Variants in ANKHD1 observed in about 807,000 individuals in gnomAD.
ANKHD1 encodes ankyrin repeat and KH domain containing 1, also known as ankyrin repeat and KH domain-containing protein 1.
A neutral mutation model predicts 230.5 loss-of-function variants in ANKHD1; 31 were observed. The observed-to-expected ratio is 0.13, with a 90% CI of 0.10 to 0.18. The LOEUF is 0.18. ANKHD1 is among the 10% of genes least tolerant of loss of function. The probability of loss-of-function intolerance (pLI) is 1.00; values close to 1 mark genes in which losing one functional copy is unlikely to be tolerated. For missense variants in ANKHD1, 2,256 were observed against 3,071.3 expected, an observed-to-expected ratio of 0.73 and a Z score of 6.27; for synonymous variants, 1,074 against 1,117.6, an observed-to-expected ratio of 0.96 and a Z score of 0.78.
rs1000635002 is a variant in ANKHD1 at position 140,422,303 on chromosome 5, T to C, written c.307-13801T>C. ...ACGCCCGGCTAATTTTTTGTATTTC[T>C]TAGGAGAGATGGGGTTTCACCATGT... On this transcript the variant is annotated intron_variant, in intron 1 of 33. Transcript: ENST00000360839. 6.6e-5 allele frequency among the ~76,000 whole-genome samples: 10 copies of C among 152,076 alleles called. No individual in the cohort carries two copies. The East Asian group carries it at 1.8e-3, about 27-fold the overall frequency.
chr5:140,500,061 G>T (rs1159097653), intron 15 of ANKHD1, among the ~76,000 whole-genome samples: 1 of 151,888 alleles, frequency 6.6e-6, no homozygotes, highest in African/African-American at 2.4e-5. Context: ...TAGAGATGGG[G>T]TTTTACCATG....
Position 140,538,951 on chromosome 5 carries a change from A to G in ANKHD1, c.7437A>G (p.Ile2479Met), listed in dbSNP as rs1269124999. 3 of 1,605,128 alleles carry G rather than the reference A, an allele frequency of 1.9e-6. No individual in the cohort carries two copies. The highest frequency in any genetic ancestry group is 2.6e-6 in the Non-Finnish European group (3 of 1,176,002). Residue 2479 changes from isoleucine (I) to methionine (M), a missense_variant, in exon 33 of 34, where the codon ATA becomes ATG. Physicochemically the swap from Ile to Met is conservative, Grantham distance 10 (BLOSUM62 1). Transcript: ENST00000360839. ...GLPISMYGGT[I>M]IPSHPQLADV... is the part of the protein sequence containing the mutation. ...CAATTTCCATGTATGGAGGCACCAT[A>G]ATACCCTCTCATCCTCAGCTTGCTG...
chr5:140,517,116 C>G (rs1753057151), intron 24 of ANKHD1, among the ~76,000 whole-genome samples: 1 of 144,580 alleles, frequency 6.9e-6, no homozygotes, highest in Non-Finnish European at 1.5e-5. Context: ...AAATGGAAAA[C>G]AAAAAAAGGC....
chr5:140,423,972 C>T (rs1342353555), intron 1 of ANKHD1, among the ~76,000 whole-genome samples: 1 of 152,190 alleles, frequency 6.6e-6, no homozygotes, highest in African/African-American at 2.4e-5. Flanking sequence ...TTCTGTCACT[C>T]TTTTGGCCAA....
intron 25 of ANKHD1, chr5:140,524,870 G>T: frequency 1.0e-5 from 2 of 194,952 alleles, no homozygotes; most frequent in South Asian, 1.3e-4. Flanking sequence ...TTGGGAGGCC[G>T]AGAGCGGATC....
At chr5:140,482,501 T>A in intron 10 of ANKHD1, 79 bp from the exon 11 acceptor site, 2 of 1,493,210 alleles carry the variant, frequency 1.3e-6, no homozygotes, top group Non-Finnish European at 1.8e-6. Flanking sequence ...TCGTTATTTC[T>A]CATTTCATCA....
chr5:140,481,387 G>C (rs562693561), intron 10 of ANKHD1, among the ~76,000 whole-genome samples: 1 of 151,988 alleles, frequency 6.6e-6, no homozygotes, highest in East Asian at 1.9e-4. Flanking sequence ...ATAATCTAGA[G>C]TTAAAAGATT....
intron 9 of ANKHD1, among the ~76,000 whole-genome samples, chr5:140,462,192 G>T (rs1433884247): frequency 6.6e-6 from 1 of 151,374 alleles, no homozygotes; most frequent in Admixed American, 6.6e-5. Context: ...TTTTTAATGG[G>T]ATACTTCATA....
In ANKHD1 at chr5:140,510,077, A is replaced by G; in HGVS notation, c.4000A>G (p.Asn1334Asp). The part of the protein sequence containing the change: ...KGNTPLWLAS[N>D]GGHFDVVQLL... ...AAATACGCCACTTTGGCTGGCATCC[A>G]ATGGAGGTCATTTTGATGTTGTGCA... The change falls in exon 22 of 34, where the codon AAT (asparagine) becomes GAT (aspartate). Residue 1334 changes from asparagine to aspartate, a missense_variant. Physicochemically the swap from Asn to Asp is conservative, Grantham distance 23 (BLOSUM62 1). Transcript: ENST00000360839. The G allele has an allele frequency of 6.2e-7, 1 of 1,614,150 alleles. No individual in the cohort carries two copies. The highest frequency in any genetic ancestry group is 8.5e-7 in the Non-Finnish European group (1 of 1,180,018).
intron 10 of ANKHD1, 72 bp from the exon 11 acceptor site, chr5:140,482,508 A>C (rs1751329144): frequency 2.0e-6 from 3 of 1,527,026 alleles, no homozygotes; most frequent in South Asian, 1.2e-5. Flanking sequence ...TTCTCATTTC[A>C]TCAGTACTGT....
intron 1 of ANKHD1, among the ~76,000 whole-genome samples, 177 bp downstream of exon 1, chr5:140,402,450 C>G (rs554325798): frequency 6.6e-6 from 1 of 152,334 alleles, no homozygotes. Flanking sequence ...TACTCTTTAG[C>G]TCGAGCGGGA....
At chr5:140,422,696 G>C (rs1350204589) in intron 1 of ANKHD1, among the ~76,000 whole-genome samples, 2 of 151,050 alleles carry the variant, frequency 1.3e-5, no homozygotes, top group African/African-American at 4.9e-5. Flanking sequence ...TGTAATCCCA[G>C]ATACTCAGGA....
In ANKHD1 at chr5:140,528,684, T is replaced by C. The variant is rs1753701379; in HGVS notation, c.5738T>C (p.Leu1913Pro). The change falls in exon 29 of 34, where the codon CTA becomes CCA. Residue 1913 changes from leucine (L) to proline (P), a missense_variant. Physicochemically the swap from Leu to Pro is moderately conservative, Grantham distance 98. Around this residue, in one of 13 missense-constraint regions of ANKHD1, gnomAD observed 778 missense variants for 966.5 expected, o/e 0.80. Coordinates refer to ENST00000360839, the MANE Select transcript of ANKHD1 (RefSeq NM_017747.3). Reference protein sequence around the residue: ...SSPKHNNTSRLPNQNGTVLPS... With the variant: ...SSPKHNNTSRPPNQNGTVLPS... ...CCAAAGCATAATAACACAAGCCGTC[T>C]ACCTAACCAGAACGGGACTGTTTTA... 1.2e-6 allele frequency: 2 copies of C among 1,614,058 alleles called. No homozygotes were observed. The highest frequency in any genetic ancestry group is 1.1e-5 in the South Asian group (1 of 91,086).
chr5:140,410,251 A>G (rs958355933), intron 1 of ANKHD1, among the ~76,000 whole-genome samples: 1 of 152,168 alleles, frequency 6.6e-6, no homozygotes, highest in African/African-American at 2.4e-5. Context: ...GTAAGATGCT[A>G]TTTATGTGAA....
At chr5:140,478,329 A>G (rs1751077011) in intron 10 of ANKHD1, among the ~76,000 whole-genome samples, 1 of 151,670 alleles carries the variant, frequency 6.6e-6, no homozygotes, top group Non-Finnish European at 1.5e-5. Flanking sequence ...ACCAAAACAG[A>G]TAAAACAAGC....
At chr5:140,448,937 A>G (rs147421673) in intron 6 of ANKHD1, among the ~76,000 whole-genome samples, 2 of 152,238 alleles carry the variant, frequency 1.3e-5, no homozygotes, top group Non-Finnish European at 2.9e-5. Flanking sequence ...TAATTTATGT[A>G]TTTTCAACCA....
At chr5:140,458,303 C>G (rs1219363067) in intron 7 of ANKHD1, among the ~76,000 whole-genome samples, 2 of 152,094 alleles carry the variant, frequency 1.3e-5, no homozygotes, top group Non-Finnish European at 2.9e-5. Context: ...CTATAGATTT[C>G]ACAGTTTTTT....
intron 10 of ANKHD1, among the ~76,000 whole-genome samples, chr5:140,478,749 A>G (rs1751100565): frequency 6.6e-6 from 1 of 152,000 alleles, no homozygotes; most frequent in Non-Finnish European, 1.5e-5. Context: ...GGTTCAAGCG[A>G]TTCTCCTGCC....
chr5:140,516,626 G>C (rs1753025535), intron 24 of ANKHD1, among the ~76,000 whole-genome samples: 1 of 152,104 alleles, frequency 6.6e-6, no homozygotes, highest in African/African-American at 2.4e-5. Context: ...GAGAGTGGGG[G>C]CCAATATTCA....
Sources: gnomAD v4.1 joint callset for allele counts (sites outside exome capture counted in the v4.1 genomes callset) on GRCh38, gnomAD v4.1.1 for gene constraint, gnomAD v4.1.1 regional missense constraint, MANE v1.5 for transcripts, NCBI Gene and HGNC (gene_info 2026-07-23, HGNC 2026-07-21) for gene names.